Variants in GSAP observed in about 807,000 individuals in gnomAD.
GSAP encodes the protein gamma-secretase-activating protein.
A neutral mutation model predicts 131.7 loss-of-function variants in GSAP; 118 were observed. That is an observed-to-expected ratio of 0.90 (90% CI 0.77 to 1.04). The LOEUF is 1.04. Among genes scored for constraint, GSAP ranks in the 50% least tolerant of loss-of-function variants. GSAP has a pLI of 0.00. For missense variants in GSAP, 1,019 were observed against 1,013.2 expected (o/e 1.01, Z -0.08); for synonymous variants, 381 against 363.4 (o/e 1.05, Z -0.55).
At chr7:77,412,423 C>A (rs925022633) in intron 1 of GSAP, among the ~76,000 whole-genome samples, 1 of 151,954 alleles carries the variant, frequency 6.6e-6, no homozygotes, top group East Asian at 1.9e-4. Context: ...AAAGTTAATA[C>A]TAAAAATGTC....
intron 14 of GSAP, 31 bp downstream of exon 14, chr7:77,360,791 CAG>C (rs770277535): frequency 8.8e-7 from 1 of 1,142,230 alleles, no homozygotes; most frequent in Non-Finnish European, 1.3e-6. Context: ...AACAAGTGTT[CAG>C]AGCAGGGGGT....
Position 77,313,469 on chromosome 7 carries a change from A to T in GSAP, c.2271+19T>A, listed in dbSNP as rs1880908. ...AATGCCAAAGCTTAGGGAGAAAATA[A>T]AATGTAACTCAGTATTACCGGAGGA... On this transcript the variant is annotated intron_variant, in intron 28 of 30. Transcript: ENST00000257626. 8.0e-3 allele frequency: 11,133 copies of T among 1,393,752 alleles called. 731 individuals are homozygous for T. In the African/African-American group the frequency reaches 0.14, roughly 18 times the overall value. 86.3% of individuals were successfully genotyped at this position (1,393,752 alleles called of 1,614,324 possible). A position where few individuals can be genotyped will look rare whatever the true frequency, so the allele number is the denominator to read the frequency against.
At chr7:77,411,098 TAAAAAA>T (rs57255266) in intron 1 of GSAP, among the ~76,000 whole-genome samples, 7 of 108,866 alleles carry the variant, frequency 6.4e-5, no homozygotes, top group African/African-American at 2.5e-4. Flanking sequence ...AAGAAAATAG[TAAAAAA>T]AAAAAAAAAA....
intron 4 of GSAP, 115 bp downstream of exon 4, chr7:77,397,231 C>A: frequency 3.9e-6 from 3 of 760,432 alleles, no homozygotes; most frequent in Non-Finnish European, 6.6e-6. Flanking sequence ...AAGAACATTT[C>A]TTTCCTAGGA....
At position 77,404,568 on chromosome 7, in the gene GSAP, T is replaced by C. The variant is rs894471577; in HGVS notation, c.234A>G (p.Arg78=). 3.2e-6 allele frequency: 5 copies of C among 1,552,804 alleles called. No individual in the cohort carries two copies. Among genetic ancestry groups the C allele is most frequent in the Non-Finnish European group, 4.4e-6 (5 of 1,126,402 alleles). The part of the protein sequence containing the change: ...VVFGLYDCQT[R]QNELLYTFEK... ...AATCTATGATTTTTACCTCATTTTG[T>C]CTGGTTTGACAATCATATAATCCAA... is the stretch of plus-strand genomic sequence containing the variant. The change falls in exon 3 of 31, where the codon AGA becomes AGG. Residue 78 remains arginine (R), a synonymous_variant. Transcript: ENST00000257626.
chr7:77,416,156 G>A (rs1470993029), intron 1 of GSAP, 57 bp downstream of exon 1: 6 of 1,026,408 alleles, frequency 5.8e-6, no homozygotes, highest in East Asian at 3.2e-5. Flanking sequence ...GAGTCCGGGG[G>A]GTATGAGGGA....
upstream of GSAP, chr7:77,416,367 G>T: frequency 1.8e-6 from 2 of 1,125,824 alleles, no homozygotes; most frequent in Non-Finnish European, 1.2e-6. Context: ...CGCACCGCGG[G>T]CATTCCCGGC....
rs533587139 is a variant in GSAP, at chr7:77,329,662, C to T, written c.1675-271G>A. 1.7e-5 allele frequency: 4 copies of T among 238,504 alleles called. No individual in the cohort carries two copies. In the South Asian group the frequency reaches 5.2e-4, roughly 31 times the overall value. 14.8% of individuals were successfully genotyped at this position (238,504 alleles called of 1,614,324 possible). A position where few individuals can be genotyped will look rare whatever the true frequency, so the allele number is the denominator to read the frequency against. ...ACTAGAGAGAGATGCAATGTACCCT[C>T]CACCCAGTCTCCTCAGTGCTTATAT... On this transcript the variant is annotated intron_variant, in intron 20 of 30. Transcript: ENST00000257626.
intron 3 of GSAP, among the ~76,000 whole-genome samples, chr7:77,399,250 G>A (rs1028680639): frequency 6.6e-6 from 1 of 152,146 alleles, no homozygotes; most frequent in Non-Finnish European, 1.5e-5. Flanking sequence ...GACAATTAGT[G>A]GCTCATGAAA....
rs766422383 is a variant in GSAP, at chr7:77,314,854, G to T, written c.2090-365C>A. ...GTATGTCCAGACTAAAAGGTTGTTGGGATGAGGACCATTTTGCTGAAGGGA... is the reference window on the plus strand; with the variant it reads ...GTATGTCCAGACTAAAAGGTTGTTGTGATGAGGACCATTTTGCTGAAGGGA... On this transcript the variant is annotated intron_variant, in intron 26 of 30. Coordinates refer to ENST00000257626, the MANE Select transcript of GSAP (RefSeq NM_017439.4). The T allele has an allele frequency of 2.4e-5, 4 of 169,462 alleles. No individual in the cohort carries two copies. The South Asian group carries it at 5.6e-4, about 24-fold the overall frequency. 10.5% of individuals were successfully genotyped at this position (169,462 alleles called of 1,614,324 possible).
chr7:77,415,004 CGTGT>C, intron 1 of GSAP, among the ~76,000 whole-genome samples: 1 of 151,986 alleles, frequency 6.6e-6, no homozygotes, highest in South Asian at 2.1e-4. Flanking sequence ...ATTACAGGAG[CGTGT>C]CACCACGCCC....
chr7:77,369,188 C>T (rs1485158781), intron 12 of GSAP, among the ~76,000 whole-genome samples: 2 of 152,166 alleles, frequency 1.3e-5, no homozygotes, highest in Admixed American at 1.3e-4. Context: ...AGGTGGTGCA[C>T]AAGAAAGAAT....
Position 77,352,940 on chromosome 7 carries a change from T to C in GSAP, c.1491+4A>G. The C allele has an allele frequency of 6.5e-7, 1 of 1,531,816 alleles. No homozygotes were observed. 94.9% of individuals were successfully genotyped at this position (1,531,816 alleles called of 1,614,324 possible). ...TGCATACAGCATACACAGTGTTAAC[T>C]TACTGTATTCCAAGTGAGCACTGAG... is the stretch of plus-strand genomic sequence containing the variant. On this transcript the variant is annotated splice_donor_region_variant and intron_variant, in intron 18 of 30. Transcript: ENST00000257626.
intron 5 of GSAP, among the ~76,000 whole-genome samples, chr7:77,391,023 A>AG (rs1332929636): frequency 7.6e-6 from 1 of 131,512 alleles, no homozygotes; most frequent in South Asian, 2.7e-4. Context: ...GCTACTCGGG[A>AG]GGCTGAGGCA....
In GSAP at chr7:77,386,958, CTG is replaced by C. The variant is rs1329415864; in HGVS notation, c.456+400_456+401del. Among the ~76,000 whole-genome samples, 5 of 152,210 alleles carry C rather than the reference CTG, an allele frequency of 3.3e-5. No individual in the cohort carries two copies. The East Asian group carries it at 5.8e-4, about 18-fold the overall frequency. ...GGAATCTGCAAATAATGAGGAATGACTGTATCTATGCCACCTACATTATACAT... is the reference window on the plus strand; with the variant it reads ...GGAATCTGCAAATAATGAGGAATGACTATCTATGCCACCTACATTATACAT... On this transcript the variant is annotated intron_variant, in intron 6 of 30. Transcript: ENST00000257626.
intron 19 of GSAP, among the ~76,000 whole-genome samples, chr7:77,344,609 T>C (rs1791510474): frequency 6.6e-6 from 1 of 152,196 alleles, no homozygotes; most frequent in Non-Finnish European, 1.5e-5. Flanking sequence ...TGGTTTACAC[T>C]GTTGCTCCAA....
intron 1 of GSAP, among the ~76,000 whole-genome samples, chr7:77,407,071 T>C (rs988801482): frequency 4.6e-5 from 7 of 152,176 alleles, no homozygotes; most frequent in Non-Finnish European, 7.4e-5. Flanking sequence ...CTACAGGGCA[T>C]TGACCACACA....
At chr7:77,349,234 T>A in intron 19 of GSAP, 117 bp downstream of exon 19, 7 of 741,968 alleles carry the variant, frequency 9.4e-6, no homozygotes, top group Non-Finnish European at 1.7e-5. Context: ...CCCACCCTAC[T>A]GCCTTGCCCT....
intron 19 of GSAP, among the ~76,000 whole-genome samples, chr7:77,342,952 C>A (rs1028716722): frequency 3.3e-5 from 5 of 152,132 alleles, no homozygotes; most frequent in African/African-American, 1.2e-4. Flanking sequence ...ACCTAGTTGA[C>A]CCCATAGATC....
Sources: allele counts gnomAD v4.1 joint callset (sites outside exome capture counted in the v4.1 genomes callset), GRCh38; gene constraint gnomAD v4.1.1; transcripts MANE v1.5; gene names NCBI Gene and HGNC (gene_info 2026-07-23, HGNC 2026-07-21).